Variants in SERGEF observed in about 807,000 individuals in gnomAD.
SERGEF encodes the protein secretion regulating guanine nucleotide exchange factor.
A neutral mutation model predicts 50.0 loss-of-function variants in SERGEF; 51 were observed. That is an observed-to-expected ratio of 1.02 (90% confidence interval 0.81 to 1.29). The LOEUF (loss-of-function observed/expected upper bound fraction) is 1.29. Ranked by LOEUF, SERGEF falls within the 50% of genes most tolerant of loss-of-function variation. The pLI is 0.00. For synonymous variants in SERGEF, 205 were observed against 212.4 expected (o/e 0.97, Z 0.30); for missense variants, 521 against 557.0 (o/e 0.94, Z 0.65).
At chr11:17,795,696 T>C (rs1336468756) in intron 10 of SERGEF, among the ~76,000 whole-genome samples, 1 of 152,222 alleles carries the variant, frequency 6.6e-6, no homozygotes, top group African/African-American at 2.4e-5. Context: ...CTTGAGTCCA[T>C]TTATTTCATC....
At chr11:17,844,952 G>A (rs1850579489) in intron 10 of SERGEF, among the ~76,000 whole-genome samples, 2 of 151,876 alleles carry the variant, frequency 1.3e-5, no homozygotes, top group South Asian at 4.1e-4. Context: ...AAAAACCCCT[G>A]TTTTAAGAAA....
chr11:17,806,570 CT>C (rs1335314160), intron 10 of SERGEF, among the ~76,000 whole-genome samples: 2 of 152,188 alleles, frequency 1.3e-5, no homozygotes, highest in Admixed American at 1.3e-4. Context: ...TTTGTAACTC[CT>C]AGTTCCACAG....
intron 1 of SERGEF, among the ~76,000 whole-genome samples, chr11:18,012,219 A>G (rs1565231689): frequency 6.6e-6 from 1 of 152,144 alleles, no homozygotes; most frequent in Non-Finnish European, 1.5e-5. Context: ...TGACGTTAAT[A>G]ATAAATTATA....
intron 9 of SERGEF, among the ~76,000 whole-genome samples, chr11:17,902,003 A>G (rs1851756200): frequency 6.6e-6 from 1 of 152,264 alleles, no homozygotes; most frequent in South Asian, 2.1e-4. Context: ...ACAAATTATC[A>G]GCACACAGTA....
At chr11:17,816,630 G>A (rs896078062) in intron 10 of SERGEF, among the ~76,000 whole-genome samples, 1 of 152,188 alleles carries the variant, frequency 6.6e-6, no homozygotes, top group South Asian at 2.1e-4. Flanking sequence ...AAAGGTAAGC[G>A]TGCAGTCTGA....
At chr11:17,835,177 A>G (rs1190437700) in intron 10 of SERGEF, among the ~76,000 whole-genome samples, 1 of 152,234 alleles carries the variant, frequency 6.6e-6, no homozygotes, top group Non-Finnish European at 1.5e-5. Flanking sequence ...CCAAGGATAC[A>G]AGCCACAAAA....
intron 8 of SERGEF, among the ~76,000 whole-genome samples, chr11:17,970,691 G>A (rs1353846892): frequency 6.6e-6 from 1 of 152,182 alleles, no homozygotes; most frequent in African/African-American, 2.4e-5. Context: ...ACACCCTAAT[G>A]ATAAGAAAGC....
intron 9 of SERGEF, among the ~76,000 whole-genome samples, chr11:17,928,501 T>C (rs1481011445): frequency 1.3e-5 from 2 of 152,104 alleles, no homozygotes; most frequent in African/African-American, 4.8e-5. Context: ...TTCTTATCTG[T>C]CTCTCCCACA....
At chr11:17,816,591 A>G (rs1244186954) in intron 10 of SERGEF, among the ~76,000 whole-genome samples, 2 of 152,242 alleles carry the variant, frequency 1.3e-5, no homozygotes, top group African/African-American at 2.4e-5. Context: ...CACATAAAAA[A>G]TACTGAAGTT....
chr11:17,912,154 G>T (rs1851967415), intron 9 of SERGEF, among the ~76,000 whole-genome samples: 2 of 152,132 alleles, frequency 1.3e-5, no homozygotes. Flanking sequence ...GAGACATACA[G>T]TATAGAAGAG....
intron 9 of SERGEF, among the ~76,000 whole-genome samples, chr11:17,928,723 C>T (rs973153964): frequency 6.6e-6 from 1 of 152,024 alleles, no homozygotes; most frequent in African/African-American, 2.4e-5. Context: ...ACTAAGCTTA[C>T]TCCTCAGTCC....
At chr11:17,838,753 G>A (rs1193031538) in intron 10 of SERGEF, among the ~76,000 whole-genome samples, 5 of 152,168 alleles carry the variant, frequency 3.3e-5, no homozygotes, top group Admixed American at 6.5e-5. Flanking sequence ...CTACTACCAT[G>A]CCAGGTGCTT....
intron 10 of SERGEF, among the ~76,000 whole-genome samples, chr11:17,861,276 A>G (rs1468022527): frequency 6.6e-6 from 1 of 152,240 alleles, no homozygotes; most frequent in Non-Finnish European, 1.5e-5. Flanking sequence ...CATAAACCAC[A>G]TAATTCGCTC....
intron 10 of SERGEF, among the ~76,000 whole-genome samples, chr11:17,842,584 T>C (rs886697443): frequency 2.0e-5 from 3 of 152,218 alleles, no homozygotes; most frequent in African/African-American, 7.2e-5. Context: ...TTTGCTAAAA[T>C]ATGGTGGGGC....
chr11:17,889,027 A>G (rs1417472285), intron 9 of SERGEF, among the ~76,000 whole-genome samples: 1 of 152,342 alleles, frequency 6.6e-6, no homozygotes, highest in African/African-American at 2.4e-5. Flanking sequence ...AATCCACTGT[A>G]TATACTGAGC....
chr11:17,864,053 T>A (rs1044284466), intron 10 of SERGEF, among the ~76,000 whole-genome samples: 1 of 152,230 alleles, frequency 6.6e-6, no homozygotes, highest in Non-Finnish European at 1.5e-5. Context: ...TCACCATAAC[T>A]CTAGTTATGG....
rs368748355 is a variant in SERGEF at position 17,881,363 on chromosome 11, T to C, written c.1012-3119A>G. 6.2e-4 allele frequency among the ~76,000 whole-genome samples: 94 copies of C among 152,312 alleles called. 1 individual carries two copies. Among genetic ancestry groups the C allele is most frequent in the Middle Eastern group, 3.4e-3 (1 of 294 alleles). On this transcript the variant is annotated intron_variant, in intron 9 of 10. Transcript: ENST00000265965. ...AGCACATTAATGAATGAGACAGTGA[T>C]GAATTGATTTTGTCAAACCAATGTA...
chr11:17,950,999 T>C (rs1167977147), intron 9 of SERGEF, among the ~76,000 whole-genome samples: 2 of 152,194 alleles, frequency 1.3e-5, no homozygotes, highest in African/African-American at 4.8e-5. Context: ...TCAATGCTGA[T>C]GGCTGCCTCA....
At chr11:17,868,282 T>TA (rs1851068987) in intron 10 of SERGEF, among the ~76,000 whole-genome samples, 1 of 152,168 alleles carries the variant, frequency 6.6e-6, no homozygotes, top group South Asian at 2.1e-4. Flanking sequence ...CCACATACCC[T>TA]AAATCATTTC....
Sources: gnomAD v4.1 joint callset for allele counts (sites outside exome capture counted in the v4.1 genomes callset) on GRCh38, gnomAD v4.1.1 for gene constraint, MANE v1.5 for transcripts, NCBI Gene and HGNC (gene_info 2026-07-23, HGNC 2026-07-21) for gene names.